ZNF609: variants seen among roughly 807,000 people sequenced by gnomAD.
ZNF609 encodes the protein zinc finger protein 609.
Under a neutral mutation model 109.5 loss-of-function variants are expected in ZNF609, and 11 were observed. The ratio of observed to expected loss-of-function variants is 0.10; its 90% CI spans 0.06 to 0.17. The LOEUF is 0.17. Ranked by LOEUF, ZNF609 falls within the 10% of genes least tolerant of loss-of-function variation. The probability of loss-of-function intolerance (pLI) is 1.00; values close to 1 mark genes in which losing one functional copy is unlikely to be tolerated. For missense variants in ZNF609, 1,559 were observed against 1,772.4 expected (o/e 0.88, Z 2.16); for synonymous variants, 646 against 662.0 (o/e 0.98, Z 0.37).
At chr15:64,651,979 G>T (rs990100123) in intron 3 of ZNF609, among the ~76,000 whole-genome samples, 8 of 150,284 alleles carry the variant, frequency 5.3e-5, no homozygotes, top group Non-Finnish European at 1.2e-4. Context: ...TTGTTGTTCA[G>T]AAATTAAAAA....
At chr15:64,609,595 C>G (rs1895682593) in intron 2 of ZNF609, among the ~76,000 whole-genome samples, 1 of 151,150 alleles carries the variant, frequency 6.6e-6, no homozygotes, top group Non-Finnish European at 1.5e-5. Context: ...CAGGCGTGAG[C>G]CACGGTGCAT....
chr15:64,460,159 G>A (rs1892915610), upstream of ZNF609, among the ~76,000 whole-genome samples: 2 of 152,052 alleles, frequency 1.3e-5, no homozygotes, highest in African/African-American at 4.8e-5. Context: ...TGTTCTTTGT[G>A]GATGCCCATG....
At chr15:64,486,423 C>A (rs1389511005) in intron 1 of ZNF609, among the ~76,000 whole-genome samples, 2 of 150,838 alleles carry the variant, frequency 1.3e-5, no homozygotes, top group South Asian at 2.1e-4. Context: ...ATTCAGGAGA[C>A]TGAGGTAGGA....
At chr15:64,479,308 T>TTC (rs1044512322) in intron 1 of ZNF609, among the ~76,000 whole-genome samples, 1 of 146,448 alleles carries the variant, frequency 6.8e-6, no homozygotes, top group African/African-American at 2.5e-5. Flanking sequence ...TTTTTTTTTT[T>TTC]TGAGACAGAG....
At chr15:64,563,587 G>A (rs1298781747) in intron 2 of ZNF609, among the ~76,000 whole-genome samples, 2 of 152,022 alleles carry the variant, frequency 1.3e-5, no homozygotes, top group Non-Finnish European at 2.9e-5. Flanking sequence ...AGGCCAGCCT[G>A]ACCAACATGG....
chr15:64,645,004 T>TCTTTCTTCCTTC (rs1896310936), intron 3 of ZNF609, among the ~76,000 whole-genome samples: 4 of 141,630 alleles, frequency 2.8e-5, no homozygotes, highest in Admixed American at 2.7e-4. Flanking sequence ...TTTCTTTCTT[T>TCTTTCTTCCTTC]CTTTCTTCCT....
upstream of ZNF609, among the ~76,000 whole-genome samples, chr15:64,460,123 A>C (rs1039624062): frequency 6.6e-6 from 1 of 151,896 alleles, no homozygotes; most frequent in Non-Finnish European, 1.5e-5. Flanking sequence ...AATGGATGAA[A>C]CCATCAGGAG....
chr15:64,660,271 A>AT (rs1421773465), intron 3 of ZNF609, among the ~76,000 whole-genome samples: 3 of 152,052 alleles, frequency 2.0e-5, no homozygotes, highest in Non-Finnish European at 4.4e-5. Context: ...TCTGGCTCTC[A>AT]TTTATATCTT....
chr15:64,590,807 G>A (rs1895280247), intron 2 of ZNF609, among the ~76,000 whole-genome samples: 1 of 151,734 alleles, frequency 6.6e-6, no homozygotes, highest in Non-Finnish European at 1.5e-5. Context: ...ACAAGGTAAT[G>A]GTTATACTAA....
chr15:64,558,056 A>G (rs1334633395), intron 2 of ZNF609, among the ~76,000 whole-genome samples: 1 of 152,168 alleles, frequency 6.6e-6, no homozygotes, highest in African/African-American at 2.4e-5. Flanking sequence ...TACATAGACT[A>G]TTGCTTTTTG....
chr15:64,636,040 C>A (rs1896169269), intron 3 of ZNF609, among the ~76,000 whole-genome samples: 1 of 152,134 alleles, frequency 6.6e-6, no homozygotes, highest in Non-Finnish European at 1.5e-5. Flanking sequence ...TTCCTCCTGG[C>A]ATTAGGCAGC....
intron 1 of ZNF609, among the ~76,000 whole-genome samples, chr15:64,466,726 T>C (rs1011222276): frequency 2.6e-5 from 4 of 152,236 alleles, no homozygotes; most frequent in African/African-American, 9.6e-5. Context: ...CAGTTTTTTA[T>C]GTTTGTTTTA....
chr15:64,522,675 T>C (rs1893909414), intron 2 of ZNF609, among the ~76,000 whole-genome samples: 1 of 152,214 alleles, frequency 6.6e-6, no homozygotes, highest in Non-Finnish European at 1.5e-5. Flanking sequence ...GTTGACCTGC[T>C]TTCTTCTCTT....
intron 5 of ZNF609, among the ~76,000 whole-genome samples, chr15:64,677,317 C>G (rs1047007937): frequency 6.6e-6 from 1 of 152,172 alleles, no homozygotes; most frequent in Non-Finnish European, 1.5e-5. Flanking sequence ...CGCGCCTCAG[C>G]CTCCCAAAGC....
intron 2 of ZNF609, chr15:64,592,913 C>G (rs1895325853): frequency 2.6e-6 from 2 of 768,776 alleles, no homozygotes; most frequent in Non-Finnish European, 4.3e-6. Context: ...ACTCTTGTCT[C>G]AAAAAATTAC....
chr15:64,628,080 C>T (rs1343681298), intron 3 of ZNF609, among the ~76,000 whole-genome samples: 1 of 151,006 alleles, frequency 6.6e-6, no homozygotes, highest in Non-Finnish European at 1.5e-5. Flanking sequence ...TGAGACTAGC[C>T]TGGGCAACAT....
Position 64,674,476 on chromosome 15 carries a change from T to C in ZNF609, c.1622T>C (p.Leu541Pro), listed in dbSNP as rs1202708299. 1 of 1,613,942 alleles carries C rather than the reference T, an allele frequency of 6.2e-7. No individual in the cohort carries two copies. Among genetic ancestry groups the C allele is most frequent in the African/African-American group, 1.3e-5 (1 of 74,856 alleles). The part of the protein sequence containing the change: ...GDSEYGEEPI[L>P]HADLGSCNGA... ...AGTGAGTACGGAGAGGAACCTATTC[T>C]CCATGCAGATCTTGGGAGCTGCAAC... The change falls in exon 5 of 10, where the codon CTC (leucine) becomes CCC (proline). Residue 541 changes from leucine to proline, a missense_variant. By Grantham distance (98) the Leu-to-Pro change is moderately conservative (BLOSUM62 -3). This residue lies in a region of ZNF609 where 1,204 missense variants were observed against 1,314.1 expected (regional missense o/e 0.92). Coordinates refer to ENST00000326648, the MANE Select transcript of ZNF609 (RefSeq NM_015042.2).
intron 1 of ZNF609, among the ~76,000 whole-genome samples, chr15:64,473,281 C>T (rs1893117605): frequency 6.7e-6 from 1 of 148,674 alleles, no homozygotes; most frequent in African/African-American, 2.5e-5. Context: ...TCACTGCAAC[C>T]TCTGCCTCCT....
intron 1 of ZNF609, among the ~76,000 whole-genome samples, chr15:64,479,803 C>T (rs1329999485): frequency 6.6e-6 from 1 of 151,936 alleles, no homozygotes; most frequent in Non-Finnish European, 1.5e-5. Flanking sequence ...CCTGTAATCC[C>T]AGCTACTCAG....
Sources: gnomAD v4.1 joint callset for allele counts (sites outside exome capture counted in the v4.1 genomes callset) on GRCh38, gnomAD v4.1.1 for gene constraint, gnomAD v4.1.1 regional missense constraint, MANE v1.5 for transcripts, NCBI Gene and HGNC (gene_info 2026-07-23, HGNC 2026-07-21) for gene names.